Variants in ZCCHC2 observed in about 807,000 individuals in gnomAD.
ZCCHC2 encodes the protein zinc finger CCHC domain-containing protein 2.
ZCCHC2 carries 39 observed loss-of-function variants against 103.6 expected under a neutral mutation model. The observed-to-expected ratio is 0.38, with a 90% CI of 0.29 to 0.49. The LOEUF is 0.49. Among genes scored for constraint, ZCCHC2 ranks in the 20% least tolerant of loss-of-function variants. ZCCHC2 has a pLI of 0.96. For synonymous variants in ZCCHC2, 687 were observed against 608.9 expected (o/e 1.13, Z -1.89); for missense variants, 1,483 against 1,491.0 (o/e 0.99, Z 0.09).
At position 62,542,582 on chromosome 18, in the gene ZCCHC2, A is replaced by AT. The variant is rs1439561334; in HGVS notation, c.1128+12dup. 1 of 1,556,442 alleles carries AT rather than the reference A, an allele frequency of 6.4e-7. No homozygotes were observed. The highest frequency in any genetic ancestry group is 2.4e-5 in the East Asian group (1 of 41,754). On this transcript the variant is annotated intron_variant, in intron 3 of 13. Transcript: ENST00000269499. Reference sequence around the variant, plus strand: ...TGGGAGTACACTTTCAAAGTAAGCCATTTTCCCCACAAAAGATACCTCACG... The same window carrying AT: ...TGGGAGTACACTTTCAAAGTAAGCCATTTTTCCCCACAAAAGATACCTCACG...
At position 62,546,562 on chromosome 18, in the gene ZCCHC2, G is replaced by A. The variant is rs558947510; in HGVS notation, c.1200+1689G>A. ...CGAGTTGCAGGAGTACAGAGCTGAG[G>A]CTGAAAAGCCTTGAAAAGGGGGGTT... On this transcript the variant is annotated intron_variant, in intron 4 of 13. Transcript: ENST00000269499. Among the ~76,000 whole-genome samples, 54 of 152,310 alleles carry A rather than the reference G, an allele frequency of 3.5e-4. 2 individuals carry two copies. Among genetic ancestry groups the A allele is most frequent in the Middle Eastern group, 6.8e-3 (2 of 294 alleles).
intron 10 of ZCCHC2, 86 bp from the exon 11 acceptor site, chr18:62,564,916 C>T (rs1191795712): frequency 4.0e-6 from 4 of 1,000,574 alleles, no homozygotes; most frequent in Non-Finnish European, 1.5e-6. Context: ...TTTGAAGAGT[C>T]TTGAAGGAAA....
intron 1 of ZCCHC2, among the ~76,000 whole-genome samples, chr18:62,534,211 G>A (rs554145405): frequency 1.1e-4 from 16 of 152,054 alleles, no homozygotes; most frequent in African/African-American, 3.9e-4. Context: ...CTCAAGAGAC[G>A]GAGGTGGGAA....
chr18:62,524,393 C>A, intron 1 of ZCCHC2, 30 bp downstream of exon 1: 1 of 1,439,818 alleles, frequency 6.9e-7, no homozygotes. Flanking sequence ...CCTGGACTCG[C>A]GGTGCGATCG....
intron 1 of ZCCHC2, among the ~76,000 whole-genome samples, chr18:62,529,159 C>CA (rs67299838): frequency 0.38 from 25,323 of 67,080 alleles, 4,260 homozygotes; most frequent in Non-Finnish European, 0.47. Context: ...GACAACGTCT[C>CA]AAAAAAAAAA....
Position 62,523,853 on chromosome 18 carries a change from C to G in ZCCHC2, c.429C>G (p.His143Gln). The G allele has an allele frequency of 2.6e-6, 4 of 1,545,100 alleles. No individual in the cohort carries two copies. Among genetic ancestry groups the G allele is most frequent in the Non-Finnish European group, 3.5e-6 (4 of 1,146,374 alleles). ...AGGACCTGGCGCGCAAGGACTACCA[C>G]TACCTGCGCGACTCGGAGGCCAAGG... is the stretch of plus-strand genomic sequence containing the variant. ...CLEDLARKDYHYLRDSEAKAN... is the reference protein window; with the variant it reads ...CLEDLARKDYQYLRDSEAKAN... Residue 143 changes from histidine (H) to glutamine (Q), a missense_variant, in exon 1 of 14, where the codon CAC (histidine) becomes CAG (glutamine). Physicochemically the swap from His to Gln is conservative, Grantham distance 24. Around this residue, in one of 3 missense-constraint regions of ZCCHC2, gnomAD observed 568 missense variants for 525.1 expected, o/e 1.08. Transcript: ENST00000269499.
intron 4 of ZCCHC2, among the ~76,000 whole-genome samples, chr18:62,548,047 C>T (rs1391435344): frequency 3.3e-5 from 5 of 152,258 alleles, no homozygotes; most frequent in African/African-American, 4.8e-5. Context: ...GTGCTACAAG[C>T]ATTAGATTAT....
intron 1 of ZCCHC2, chr18:62,524,642 T>C (rs1914270721): frequency 1.2e-5 from 5 of 427,196 alleles, no homozygotes; most frequent in African/African-American, 2.1e-5. Flanking sequence ...ACGGAAGACG[T>C]GGAGCTCCCC....
At chr18:62,559,219 G>A (rs1378355943) in intron 7 of ZCCHC2, among the ~76,000 whole-genome samples, 1 of 152,202 alleles carries the variant, frequency 6.6e-6, no homozygotes, top group African/African-American at 2.4e-5. Flanking sequence ...CATATAGCCA[G>A]GAGACCATCC....
At chr18:62,527,250 C>A (rs1914469563) in intron 1 of ZCCHC2, among the ~76,000 whole-genome samples, 1 of 152,014 alleles carries the variant, frequency 6.6e-6, no homozygotes, top group Non-Finnish European at 1.5e-5. Flanking sequence ...GTATCCAGTA[C>A]TGAATCAGCT....
intron 11 of ZCCHC2, among the ~76,000 whole-genome samples, chr18:62,569,467 AAG>A: frequency 6.6e-6 from 1 of 151,660 alleles, no homozygotes; most frequent in South Asian, 2.1e-4. Flanking sequence ...TTACAGAGAT[AAG>A]AGAATATTTC....
rs542255816 is a variant in ZCCHC2, at chr18:62,576,684, G to T, written c.*105G>T. 30 of 1,104,608 alleles carry T rather than the reference G, an allele frequency of 2.7e-5. No homozygotes were observed. The highest frequency in any genetic ancestry group is 3.8e-5 in the Non-Finnish European group (29 of 759,978). The allele number at this position is 1,104,608 out of a possible 1,614,324, so 68.4% of individuals were successfully genotyped here. On this transcript the variant is annotated 3_prime_UTR_variant, in exon 14 of 14. Coordinates refer to ENST00000269499, the MANE Select transcript of ZCCHC2 (RefSeq NM_017742.6). ...TGTTTCTTTGTCTATACATTTCCTA[G>T]ATTTCTATGCAGTTGGGATTTTTCA...
intron 1 of ZCCHC2, among the ~76,000 whole-genome samples, chr18:62,527,802 C>T (rs1215311070): frequency 6.6e-6 from 1 of 152,050 alleles, no homozygotes; most frequent in Non-Finnish European, 1.5e-5. Flanking sequence ...TGGGTGTCTT[C>T]CTATTATTAG....
Position 62,523,959 on chromosome 18 carries a change from C to G in ZCCHC2, c.535C>G (p.Leu179Val), listed in dbSNP as rs1914202798. The change falls in exon 1 of 14, where the codon CTG becomes GTG. Residue 179 changes from leucine (L) to valine (V), a missense_variant. Around this residue, in one of 3 missense-constraint regions of ZCCHC2, gnomAD observed 568 missense variants for 525.1 expected, o/e 1.08. Coordinates refer to ENST00000269499, the MANE Select transcript of ZCCHC2 (RefSeq NM_017742.6). Reference sequence around the variant, plus strand: ...CTCGCGCCTCATCGTCTACCTGGCGCTGCTGGGCTCGGAGAACCGGGAGGC... The same window carrying G: ...CTCGCGCCTCATCGTCTACCTGGCGGTGCTGGGCTCGGAGAACCGGGAGGC... The part of the protein sequence containing the change: ...VRSRLIVYLA[L>V]LGSENREAAG... 6.6e-7 allele frequency: 1 copy of G among 1,505,062 alleles called. No homozygotes were observed. 93.2% of individuals were successfully genotyped at this position (1,505,062 alleles called of 1,614,324 possible).
chr18:62,567,808 G>C (rs1454782390), intron 11 of ZCCHC2, among the ~76,000 whole-genome samples: 1 of 151,742 alleles, frequency 6.6e-6, no homozygotes, highest in Non-Finnish European at 1.5e-5. Flanking sequence ...AGCCAGATGT[G>C]GTGGTGCACA....
intron 7 of ZCCHC2, among the ~76,000 whole-genome samples, chr18:62,559,334 T>C (rs1916022801): frequency 6.6e-6 from 1 of 152,126 alleles, no homozygotes; most frequent in Non-Finnish European, 1.5e-5. Context: ...CCAACAGAAA[T>C]ATAGGTGAAA....
chr18:62,550,281 T>A (rs1291542253), intron 4 of ZCCHC2, 67 bp from the exon 5 acceptor site: 6 of 1,223,714 alleles, frequency 4.9e-6, no homozygotes, highest in Non-Finnish European at 5.8e-6. Flanking sequence ...TTTATGCATA[T>A]AACTTGTAAC....
chr18:62,546,869 G>A (rs1458306603), intron 4 of ZCCHC2, among the ~76,000 whole-genome samples: 2 of 152,200 alleles, frequency 1.3e-5, no homozygotes, highest in Non-Finnish European at 2.9e-5. Context: ...TGCTTAGCCA[G>A]TATTTGGATA....
chr18:62,583,402 AT>A (rs1347636349), downstream of ZCCHC2, among the ~76,000 whole-genome samples: 21 of 152,312 alleles, frequency 1.4e-4, no homozygotes, highest in African/African-American at 5.1e-4. Flanking sequence ...TCTACATTTA[AT>A]TTTTTATGTA....
Sources: allele counts gnomAD v4.1 joint callset (sites outside exome capture counted in the v4.1 genomes callset), GRCh38; gene constraint gnomAD v4.1.1; regional missense constraint gnomAD v4.1.1; transcripts MANE v1.5; gene names NCBI Gene and HGNC (gene_info 2026-07-23, HGNC 2026-07-21).